Variants in DMD observed in about 807,000 individuals in gnomAD.
The protein encoded by DMD is mutant dystrophin.
DMD carries 63 observed loss-of-function variants against 330.1 expected under a neutral mutation model. That is an observed-to-expected ratio of 0.19 (90% CI 0.16 to 0.24). The LOEUF is 0.24. Among genes scored for constraint, DMD ranks in the 10% least tolerant of loss-of-function variants. The pLI is 1.00. For synonymous variants in DMD, 1,223 were observed against 959.8 expected (o/e 1.27, Z -5.07); for missense variants, 3,344 against 2,684.1 (o/e 1.25, Z -5.43).
At chrX:31,934,337 G>A (rs1219990765) in intron 45 of DMD, among the ~76,000 whole-genome samples, 1 of 111,638 alleles carries the variant, frequency 9.0e-6, no homozygotes, top group African/African-American at 3.3e-5. Flanking sequence ...TATTCATTCA[G>A]TTTTCCTATA....
chrX:31,813,306 G>C (rs1283885686), intron 50 of DMD, among the ~76,000 whole-genome samples: 1 of 111,882 alleles, frequency 8.9e-6, no homozygotes, highest in African/African-American at 3.3e-5. Context: ...TTATTGATAT[G>C]GTTTGGCTGT....
chrX:32,484,535 C>A (rs1026399194), intron 21 of DMD, among the ~76,000 whole-genome samples: 1 of 112,113 alleles, frequency 8.9e-6, no homozygotes, highest in Non-Finnish European at 1.9e-5. Flanking sequence ...GATAAATTGA[C>A]AGAAATATTA....
chrX:32,248,038 T>G (rs1356261050), intron 43 of DMD, among the ~76,000 whole-genome samples: 1 of 111,715 alleles, frequency 9.0e-6, no homozygotes, highest in African/African-American at 3.2e-5. Context: ...CACATTGATT[T>G]GAAGGTTTTA....
At chrX:32,228,805 T>C (rs746442992) in intron 43 of DMD, among the ~76,000 whole-genome samples, 10 of 111,647 alleles carry the variant, frequency 9.0e-5, no homozygotes, top group Non-Finnish European at 1.9e-4. Flanking sequence ...TAATGATGCC[T>C]TTCTCTTCAT....
chrX:31,203,661 A>G (rs1180664999), intron 67 of DMD, among the ~76,000 whole-genome samples: 11 of 112,389 alleles, frequency 9.8e-5, no homozygotes, highest in Non-Finnish European at 2.1e-4. Context: ...TCTTATATAC[A>G]TAGGATTTCT....
At chrX:31,591,342 C>T (rs983877729) in intron 55 of DMD, among the ~76,000 whole-genome samples, 3 of 111,198 alleles carry the variant, frequency 2.7e-5, no homozygotes, top group Non-Finnish European at 3.8e-5. Context: ...TACAAGCCAA[C>T]AATTTATTAG....
rs1172445959 is a variant in DMD at position 32,434,837 on chromosome X, A to G, written c.4071+3404T>C. 2.7e-5 allele frequency among the ~76,000 whole-genome samples: 3 copies of G among 111,767 alleles called. No homozygotes were observed. The East Asian group carries it at 8.4e-4, about 31-fold the overall frequency. ...ATCTTTCAGGTCTAATCAGCTTATC[A>G]CAGGCTGATACAACAGAATTTGAGA... On this transcript the variant is annotated intron_variant, in intron 29 of 78. Transcript: ENST00000357033.
chrX:33,201,944 T>C (rs887449717), intron 1 of DMD, among the ~76,000 whole-genome samples: 4 of 112,243 alleles, frequency 3.6e-5, no homozygotes, highest in African/African-American at 1.3e-4. Context: ...CTTTTTCATC[T>C]TCACAAAGTA....
chrX:32,067,744 T>C (rs1476029005), intron 44 of DMD, among the ~76,000 whole-genome samples: 7 of 112,091 alleles, frequency 6.2e-5, no homozygotes, highest in Admixed American at 5.7e-4. Flanking sequence ...ATTTACTTTA[T>C]CCAATCCAAC....
chrX:31,645,989 A>G (rs890148026), intron 54 of DMD, among the ~76,000 whole-genome samples: 4 of 111,849 alleles, frequency 3.6e-5, no homozygotes, highest in Non-Finnish European at 7.5e-5. Flanking sequence ...TTGGAAAAAG[A>G]AAACTCCCAC....
At chrX:33,036,552 T>C (rs1436765278) in intron 1 of DMD, among the ~76,000 whole-genome samples, 1 of 111,212 alleles carries the variant, frequency 9.0e-6, no homozygotes, top group Non-Finnish European at 1.9e-5. Flanking sequence ...GTGGGATTAT[T>C]ACCTTAGAAA....
Position 33,126,941 on chromosome X carries a change from A to G in DMD, c.31+84341T>C, listed in dbSNP as rs137934691. 4.3e-3 allele frequency among the ~76,000 whole-genome samples: 478 copies of G among 112,004 alleles called. 3 individuals carry two copies. The highest frequency in any genetic ancestry group is 0.015 in the African/African-American group (464 of 30,856). On this transcript the variant is annotated intron_variant, in intron 1 of 78. Transcript: ENST00000357033. Reference sequence around the variant, plus strand: ...GAATAAAATACAGATATAAAATTAAAAAATATATTTATAAAGAGATTAGTA... The same window carrying G: ...GAATAAAATACAGATATAAAATTAAGAAATATATTTATAAAGAGATTAGTA...
intron 1 of DMD, among the ~76,000 whole-genome samples, chrX:33,117,822 G>A (rs1424134724): frequency 9.2e-6 from 1 of 108,649 alleles, no homozygotes; most frequent in African/African-American, 3.4e-5. Flanking sequence ...AATCAACTAT[G>A]GAAAGAAAAT....
At chrX:32,824,875 G>A (rs779756674) in intron 4 of DMD, among the ~76,000 whole-genome samples, 37 of 111,412 alleles carry the variant, frequency 3.3e-4, no homozygotes, top group Non-Finnish European at 5.8e-4. Context: ...TACATCGAAG[G>A]GGAGATTGAT....
intron 47 of DMD, among the ~76,000 whole-genome samples, chrX:31,898,423 A>C (rs1276144410): frequency 1.8e-5 from 2 of 110,714 alleles, no homozygotes; most frequent in Non-Finnish European, 3.8e-5. Context: ...AAACAGAGAT[A>C]TAGATCAATG....
intron 9 of DMD, among the ~76,000 whole-genome samples, chrX:32,665,360 G>T (rs1013875494): frequency 9.0e-5 from 10 of 111,531 alleles, no homozygotes; most frequent in African/African-American, 3.3e-4. Context: ...GGAATAACAA[G>T]AATATAAACT....
intron 2 of DMD, among the ~76,000 whole-genome samples, chrX:32,902,071 A>G (rs2086294917): frequency 9.2e-6 from 1 of 109,105 alleles, no homozygotes. Flanking sequence ...GTAATAATAC[A>G]TATCATACGA....
intron 62 of DMD, among the ~76,000 whole-genome samples, chrX:31,265,369 T>A (rs764825102): frequency 1.3e-4 from 14 of 111,641 alleles, no homozygotes; most frequent in African/African-American, 4.6e-4. Context: ...GGCAGGGGTT[T>A]GGAGGGGTGG....
chrX:32,026,144 C>T (rs2095844085), intron 44 of DMD, among the ~76,000 whole-genome samples: 1 of 111,676 alleles, frequency 9.0e-6, no homozygotes, highest in Non-Finnish European at 1.9e-5. Context: ...ATGATAATTA[C>T]TAGATAATCT....
Sources: gnomAD v4.1 joint callset for allele counts (sites outside exome capture counted in the v4.1 genomes callset) on GRCh38, gnomAD v4.1.1 for gene constraint, MANE v1.5 for transcripts, NCBI Gene and HGNC (gene_info 2026-07-23, HGNC 2026-07-21) for gene names.